LTBP1: variants seen among roughly 807,000 people sequenced by gnomAD.
LTBP1 encodes the protein latent-transforming growth factor beta-binding protein 1.
A neutral mutation model predicts 207.6 loss-of-function variants in LTBP1; 129 were observed. The observed-to-expected ratio is 0.62, with a 90% CI of 0.54 to 0.72. The LOEUF is 0.72. Ranked by LOEUF, LTBP1 falls within the 30% of genes least tolerant of loss-of-function variation. The probability of loss-of-function intolerance (pLI) is 0.00; values close to 1 mark genes in which losing one functional copy is unlikely to be tolerated. For synonymous variants in LTBP1, 963 were observed against 833.7 expected, an observed-to-expected ratio of 1.16 and a Z score of -2.67; for missense variants, 2,281 against 2,217.2, an observed-to-expected ratio of 1.03 and a Z score of -0.58.
intron 4 of LTBP1, among the ~76,000 whole-genome samples, chr2:33,112,399 G>A (rs192566391): frequency 5.3e-4 from 80 of 152,286 alleles, no homozygotes; most frequent in African/African-American, 1.9e-3. Flanking sequence ...TTTCTTATCT[G>A]TTCTGTCCAT....
At chr2:32,948,779 A>G in intron 1 of LTBP1, 96 bp from the exon 2 acceptor site, 2 of 1,157,194 alleles carry the variant, frequency 1.7e-6, no homozygotes, top group East Asian at 4.7e-5. Context: ...GGGTTGCAGA[A>G]GCTGGAGGCT....
chr2:33,200,889 C>G (rs1014485093), intron 7 of LTBP1, among the ~76,000 whole-genome samples: 3 of 152,254 alleles, frequency 2.0e-5, no homozygotes, highest in African/African-American at 7.2e-5. Context: ...CTCATCATCA[C>G]TGGCCATCAG....
chr2:33,113,956 TCAGC>T (rs1181914489), intron 4 of LTBP1, among the ~76,000 whole-genome samples: 1 of 152,228 alleles, frequency 6.6e-6, no homozygotes, highest in Non-Finnish European at 1.5e-5. Context: ...TTCTCCTGCC[TCAGC>T]CTTCTGGGTA....
chr2:33,128,815 C>T (rs2081593738), intron 4 of LTBP1, among the ~76,000 whole-genome samples: 2 of 152,140 alleles, frequency 1.3e-5, no homozygotes, highest in Non-Finnish European at 2.9e-5. Flanking sequence ...TTCTTTTTTC[C>T]TCCTTTTTAT....
intron 24 of LTBP1, among the ~76,000 whole-genome samples, chr2:33,336,677 C>T (rs886220861): frequency 1.3e-5 from 2 of 152,114 alleles, no homozygotes; most frequent in Admixed American, 6.5e-5. Context: ...TGGCAGCAGA[C>T]GGAAAGCTCA....
chr2:33,214,320 C>T (rs759496479), intron 7 of LTBP1, among the ~76,000 whole-genome samples: 5 of 152,104 alleles, frequency 3.3e-5, no homozygotes, highest in African/African-American at 9.7e-5. Flanking sequence ...CAGGGTTACA[C>T]GTTTTGTGAT....
rs184675610 is a variant in LTBP1 at position 33,151,609 on chromosome 2, C to T, written c.1201+16649C>T. On this transcript the variant is annotated intron_variant, in intron 5 of 33. Transcript: ENST00000404816. Reference sequence around the variant, plus strand: ...CCTATTTGTAGTCTTTCATCCCTTGCCCCACTCCCACCCTTCCCTCTAAGT... The same window carrying T: ...CCTATTTGTAGTCTTTCATCCCTTGTCCCACTCCCACCCTTCCCTCTAAGT... 2.7e-4 allele frequency among the ~76,000 whole-genome samples: 41 copies of T among 152,172 alleles called. No homozygotes were observed. The East Asian group carries it at 7.3e-3, about 27-fold the overall frequency.
intron 20 of LTBP1, among the ~76,000 whole-genome samples, chr2:33,299,132 G>A (rs1368336592): frequency 6.6e-6 from 1 of 151,740 alleles, no homozygotes; most frequent in Non-Finnish European, 1.5e-5. Context: ...AAATGAGCTG[G>A]GCGGGAGGCT....
At chr2:33,202,022 A>AATACACACAC (rs1553451343) in intron 7 of LTBP1, among the ~76,000 whole-genome samples, 1 of 140,588 alleles carries the variant, frequency 7.1e-6, no homozygotes, top group Non-Finnish European at 1.5e-5. Flanking sequence ...TTAGCACTGG[A>AATACACACAC]ACACACACAC....
At chr2:33,122,111 A>G (rs1306062592) in intron 4 of LTBP1, among the ~76,000 whole-genome samples, 1 of 150,574 alleles carries the variant, frequency 6.6e-6, no homozygotes, top group Non-Finnish European at 1.5e-5. Context: ...GGGCTTGGCC[A>G]TGTGACTTGC....
chr2:33,076,898 G>T (rs2078113756), intron 3 of LTBP1, among the ~76,000 whole-genome samples: 3 of 152,092 alleles, frequency 2.0e-5, no homozygotes, highest in Admixed American at 1.3e-4. Context: ...CATTCCTTTG[G>T]CCAAGAGGGC....
At chr2:33,377,378 C>T (rs895718345) in intron 31 of LTBP1, among the ~76,000 whole-genome samples, 6 of 152,108 alleles carry the variant, frequency 3.9e-5, no homozygotes, top group African/African-American at 1.4e-4. Context: ...CAGTTCAAGG[C>T]GAGAGAAGTT....
At chr2:33,167,716 C>T (rs917182432) in intron 5 of LTBP1, among the ~76,000 whole-genome samples, 17 of 152,098 alleles carry the variant, frequency 1.1e-4, no homozygotes, top group Non-Finnish European at 1.2e-4. Flanking sequence ...TGTATACAAC[C>T]GTGTATGGAG....
intron 5 of LTBP1, among the ~76,000 whole-genome samples, chr2:33,150,564 C>G (rs1309664912): frequency 6.6e-6 from 1 of 151,796 alleles, no homozygotes; most frequent in African/African-American, 2.4e-5. Flanking sequence ...AAAAATTCCC[C>G]ATTCCTTTCT....
chr2:33,263,751 A>C (rs911076511), intron 15 of LTBP1, among the ~76,000 whole-genome samples: 1 of 152,086 alleles, frequency 6.6e-6, no homozygotes, highest in Admixed American at 6.5e-5. Context: ...CAAGAGATCG[A>C]GACCATCCTG....
chr2:33,154,022 C>T (rs907420897), intron 5 of LTBP1, among the ~76,000 whole-genome samples: 6 of 152,230 alleles, frequency 3.9e-5, no homozygotes, highest in African/African-American at 1.4e-4. Context: ...AGGCACTTCT[C>T]TGTGCCAGTT....
chr2:33,396,307 A>G (rs1574161750), intron 32 of LTBP1, among the ~76,000 whole-genome samples: 2 of 151,814 alleles, frequency 1.3e-5, no homozygotes, highest in East Asian at 3.9e-4. Context: ...TGCATCCTCC[A>G]CCTCTCAGGC....
intron 2 of LTBP1, among the ~76,000 whole-genome samples, chr2:33,006,860 A>G (rs531935519): frequency 6.6e-6 from 1 of 152,164 alleles, no homozygotes; most frequent in South Asian, 2.1e-4. Context: ...AGCCAGATGC[A>G]TCGTGTGTTT....
chr2:33,352,544 C>T (rs1242068385), intron 26 of LTBP1, among the ~76,000 whole-genome samples: 2 of 152,148 alleles, frequency 1.3e-5, no homozygotes, highest in Non-Finnish European at 2.9e-5. Context: ...AGTTCTACCT[C>T]CAGGGTGTCC....
Sources: gnomAD v4.1 joint callset for allele counts (sites outside exome capture counted in the v4.1 genomes callset) on GRCh38, gnomAD v4.1.1 for gene constraint, MANE v1.5 for transcripts, NCBI Gene and HGNC (gene_info 2026-07-23, HGNC 2026-07-21) for gene names.